Variants in KLKB1 observed in about 807,000 individuals in gnomAD.
KLKB1 encodes the protein plasma kallikrein.
A neutral mutation model predicts 73.6 loss-of-function variants in KLKB1; 58 were observed. That is an observed-to-expected ratio of 0.79 (90% CI 0.64 to 0.98). KLKB1 has a LOEUF of 0.98. Among genes scored for constraint, KLKB1 ranks in the 50% least tolerant of loss-of-function variants. The pLI is 0.00. For synonymous variants in KLKB1, 280 were observed against 258.1 expected (o/e 1.08, Z -0.81); for missense variants, 737 against 763.8 (o/e 0.96, Z 0.41).
At chr4:186,224,395 G>A (rs1165799250), upstream of KLKB1, among the ~76,000 whole-genome samples, 1 of 152,244 alleles carries the variant, frequency 6.6e-6, no homozygotes, top group Admixed American at 6.5e-5. Flanking sequence ...GCAGCCGTAG[G>A]GGCTGTACCC....
chr4:186,222,644 CT>C (rs1228931659), upstream of KLKB1, among the ~76,000 whole-genome samples: 1 of 152,030 alleles, frequency 6.6e-6, no homozygotes, highest in Non-Finnish European at 1.5e-5. Flanking sequence ...TTTGTTAATA[CT>C]TTTGTTTTTT....
rs906280138 is a variant in KLKB1, at chr4:186,254,678, G to T, written c.1404G>T (p.Glu468Asp). The change falls in exon 12 of 15, where the codon GAG becomes GAT. Residue 468 changes from glutamate to aspartate, a missense_variant. Coordinates refer to ENST00000264690, the MANE Select transcript of KLKB1 (RefSeq NM_000892.5). ...ATACACCTTTCTCACAAATAAAAGA[G>T]ATTATTATTCACCAAAACTATAAAG... ...TKDTPFSQIK[E>D]IIIHQNYKVS... is the part of the protein sequence containing the mutation. 6.2e-7 allele frequency: 1 copy of T among 1,613,030 alleles called. No homozygotes were observed. The highest frequency in any genetic ancestry group is 1.3e-5 in the African/African-American group (1 of 74,880).
chr4:186,258,371 T>C lies in KLKB1; in HGVS notation c.*159T>C. On this transcript the variant is annotated 3_prime_UTR_variant, in exon 15 of 15. Transcript: ENST00000264690. ...AGAGCTGCTGAGGACAATGTCTGGC[T>C]GAAGCCCGCTTTCAGCACGCCGTAA... 2.7e-6 allele frequency: 2 copies of C among 731,006 alleles called. No individual in the cohort carries two copies. Among genetic ancestry groups the C allele is most frequent in the African/African-American group, 1.7e-5 (1 of 57,564 alleles). The allele number at this position is 731,006 out of a possible 1,614,324, so 45.3% of individuals were successfully genotyped here. A position where few individuals can be genotyped will look rare whatever the true frequency, so the allele number is the denominator to read the frequency against.
Position 186,251,868 on chromosome 4 carries a change from A to C in KLKB1, c.1144+7A>C. 1.2e-6 allele frequency: 2 copies of C among 1,607,898 alleles called. No individual in the cohort carries two copies. The highest frequency in any genetic ancestry group is 1.7e-6 in the Non-Finnish European group (2 of 1,174,802). On this transcript the variant is annotated splice_region_variant and intron_variant, in intron 10 of 14. Coordinates refer to ENST00000264690, the MANE Select transcript of KLKB1 (RefSeq NM_000892.5). ...AACACTGGGGACAACTCTGGTGAGT[A>C]ACCTCACTTTTTCGTGGACCTGTCA... is the stretch of plus-strand genomic sequence containing the variant.
chr4:186,245,995 A>G (rs1561460301), intron 6 of KLKB1, among the ~76,000 whole-genome samples: 1 of 151,816 alleles, frequency 6.6e-6, no homozygotes, highest in Non-Finnish European at 1.5e-5. Context: ...CTAAACGCTA[A>G]CTGATTTGGG....
At chr4:186,221,344 T>G (rs1429193333) in intron 2 of KLKB1, among the ~76,000 whole-genome samples, 1 of 150,178 alleles carries the variant, frequency 6.7e-6, no homozygotes, top group Non-Finnish European at 1.5e-5. Context: ...TGGGCTTAGT[T>G]TTTTTTTTTT....
intron 2 of KLKB1, among the ~76,000 whole-genome samples, chr4:186,220,554 G>A (rs1012216263): frequency 2.0e-5 from 3 of 152,196 alleles, no homozygotes; most frequent in African/African-American, 7.2e-5. Flanking sequence ...GCATGTAGTT[G>A]TAAGTGCCTC....
At chr4:186,252,760 A>G (rs1233800091) in intron 11 of KLKB1, among the ~76,000 whole-genome samples, 1 of 150,182 alleles carries the variant, frequency 6.7e-6, no homozygotes, top group Non-Finnish European at 1.5e-5. Flanking sequence ...CAATCCCACC[A>G]CCAATCCCTG....
At chr4:186,212,287 C>T (rs1048668089) in intron 2 of KLKB1, 2 of 152,116 alleles carry the variant, frequency 1.3e-5, no homozygotes, top group Admixed American at 6.5e-5. Flanking sequence ...TGGGATTCTT[C>T]CATCTTTAAA....
intron 14 of KLKB1, 128 bp downstream of exon 14, chr4:186,257,493 A>G (rs1398027098): frequency 1.7e-5 from 11 of 665,812 alleles, no homozygotes; most frequent in Non-Finnish European, 2.6e-5. Context: ...TGATAAATTG[A>G]TAAGCAACTT....
intron 6 of KLKB1, among the ~76,000 whole-genome samples, chr4:186,245,823 G>GTTTTTTTTTTTTTTTTTTTTTTTTTTTT (rs1561460148): frequency 4.1e-5 from 2 of 48,602 alleles, no homozygotes; most frequent in Non-Finnish European, 5.8e-5. Context: ...TTTGTTTTTT[G>GTTTTTTTTTTTTTTTTTTTTTTTTTTTT]GTTTTTTTTT....
chr4:186,218,274 T>A (rs1243175488), intron 2 of KLKB1, among the ~76,000 whole-genome samples: 1 of 152,156 alleles, frequency 6.6e-6, no homozygotes, highest in East Asian at 1.9e-4. Context: ...AAGGCATAGA[T>A]ATCATTTGCT....
chr4:186,228,236 T>C lies in KLKB1; in HGVS notation c.41T>C (p.Phe14Ser). 1 of 1,595,742 alleles carries C rather than the reference T, an allele frequency of 6.3e-7. No homozygotes were observed. Among genetic ancestry groups the C allele is most frequent in the Non-Finnish European group, 8.6e-7 (1 of 1,163,408 alleles). ...CAAGCAACTTATTTCATTTCCTTGT[T>C]TGCTACAGTTTCCTGTGGTAAGTGA... ...FKQATYFISLFATVSCGCLTQ... is the reference protein window; with the variant it reads ...FKQATYFISLSATVSCGCLTQ... Residue 14 changes from phenylalanine (F) to serine (S), a missense_variant, in exon 2 of 15, where the codon TTT becomes TCT. Phe to Ser is a radical substitution (Grantham distance 155). Transcript: ENST00000264690.
chr4:186,237,898 G>A (rs751277034), intron 5 of KLKB1, among the ~76,000 whole-genome samples: 1 of 151,908 alleles, frequency 6.6e-6, no homozygotes, highest in Admixed American at 6.6e-5. Flanking sequence ...TTTTCCTGAA[G>A]CAAAATTTTG....
chr4:186,214,617 CT>C (rs1736834768), intron 2 of KLKB1, among the ~76,000 whole-genome samples: 1 of 152,178 alleles, frequency 6.6e-6, no homozygotes, highest in South Asian at 2.1e-4. Context: ...GACAGCTAGG[CT>C]TAACCTAACA....
intron 5 of KLKB1, 24 bp downstream of exon 5, chr4:186,236,964 T>C (rs1737727020): frequency 1.9e-6 from 3 of 1,612,400 alleles, no homozygotes; most frequent in African/African-American, 1.3e-5. Context: ...AAGGTGTGTG[T>C]TCTTTGTATT....
upstream of KLKB1, among the ~76,000 whole-genome samples, chr4:186,222,522 T>C (rs1239905338): frequency 1.3e-5 from 2 of 152,240 alleles, no homozygotes; most frequent in East Asian, 3.8e-4. Flanking sequence ...TTTGACTGCA[T>C]TTAAAAATAC....
In KLKB1 at chr4:186,251,138, G is replaced by A. The variant is rs555398108; in HGVS notation, c.759-81G>A. 2.1e-5 allele frequency: 19 copies of A among 884,080 alleles called. 1 individual carries two copies. In the South Asian group the frequency reaches 2.4e-4, roughly 11 times the overall value. The allele number at this position is 884,080 out of a possible 1,614,324, so 54.8% of individuals were successfully genotyped here. ...TAAAATTTGCTGCGTTGCTTTTTGG[G>A]TGTGAGCTGCTTTTGTATTTGCCTA... On this transcript the variant is annotated intron_variant, in intron 7 of 14. Transcript: ENST00000264690.
chr4:186,242,367 G>A (rs548694571), intron 6 of KLKB1, among the ~76,000 whole-genome samples: 3 of 152,278 alleles, frequency 2.0e-5, no homozygotes, highest in Admixed American at 2.0e-4. Flanking sequence ...CGAAATAGTG[G>A]TAAAGTGTTG....
Sources: gnomAD v4.1 joint callset for allele counts (sites outside exome capture counted in the v4.1 genomes callset) on GRCh38, gnomAD v4.1.1 for gene constraint, MANE v1.5 for transcripts, NCBI Gene and HGNC (gene_info 2026-07-23, HGNC 2026-07-21) for gene names.